PGAM5: variants seen among roughly 807,000 people sequenced by gnomAD.
PGAM5 encodes serine/threonine-protein phosphatase PGAM5, mitochondrial.
In PGAM5, 25 loss-of-function variants were observed where a neutral mutation model predicts 30.6. The observed-to-expected ratio is 0.82, with a 90% CI of 0.60 to 1.14. The LOEUF is 1.14. PGAM5 is among the 50% of genes most tolerant of loss of function. The pLI is 0.00. For missense variants in PGAM5, 384 were observed against 408.5 expected (o/e 0.94, Z 0.52); for synonymous variants, 201 against 179.1 (o/e 1.12, Z -0.98).
Position 132,717,968 on chromosome 12 carries a change from C to T in PGAM5, c.586-19C>T, listed in dbSNP as rs771883194. 2 of 1,612,432 alleles carry T rather than the reference C, an allele frequency of 1.2e-6. No homozygotes were observed. Among genetic ancestry groups the T allele is most frequent in the South Asian group, 1.1e-5 (1 of 91,046 alleles). Reference sequence around the variant, plus strand: ...TGCCCGAGCACTTCCGCACTGACGGCTCCTCACTCTGCCCCCAGCAGTATT... The same window carrying T: ...TGCCCGAGCACTTCCGCACTGACGGTTCCTCACTCTGCCCCCAGCAGTATT... On this transcript the variant is annotated intron_variant, in intron 4 of 5. Coordinates refer to ENST00000498926, the MANE Select transcript of PGAM5 (RefSeq NM_001170543.2).
rs1018225177 is a variant in PGAM5, at chr12:132,720,901, A to G, written c.*73A>G. ...CACTTAACGTTTTGTTCCCAAGGAGACCGGCGGAAAGTAGAAACCTGCAAT... is the reference window on the plus strand; with the variant it reads ...CACTTAACGTTTTGTTCCCAAGGAGGCCGGCGGAAAGTAGAAACCTGCAAT... On this transcript the variant is annotated 3_prime_UTR_variant, in exon 6 of 6. Coordinates refer to ENST00000498926, the MANE Select transcript of PGAM5 (RefSeq NM_001170543.2). 3 of 1,459,112 alleles carry G rather than the reference A, an allele frequency of 2.1e-6. No individual in the cohort carries two copies. The highest frequency in any genetic ancestry group is 2.5e-5 in the East Asian group (1 of 39,432). The allele number at this position is 1,459,112 out of a possible 1,614,324, so 90.4% of individuals were successfully genotyped here. A position where few individuals can be genotyped will look rare whatever the true frequency, so the allele number is the denominator to read the frequency against.
intron 3 of PGAM5, 36 bp downstream of exon 3, chr12:132,717,600 A>G: frequency 1.2e-6 from 2 of 1,606,782 alleles, no homozygotes; most frequent in African/African-American, 1.3e-5. Context: ...TGCTTGCAGC[A>G]GTGGGCGGCT....
intron 2 of PGAM5, among the ~76,000 whole-genome samples, chr12:132,716,028 T>G (rs1565998874): frequency 1.3e-5 from 2 of 152,150 alleles, no homozygotes; most frequent in Non-Finnish European, 2.9e-5. Context: ...CACCTGGACC[T>G]GCTGCCAAAG....
rs189766945 is a variant in PGAM5, at chr12:132,717,335, G to A, written c.371-104G>A. ...GGGGGTGTTTGCGGGCGGAGGAGGG[G>A]GTGTTTGAGGGTGGAGGAGGGCGTG... On this transcript the variant is annotated intron_variant, in intron 2 of 5. Coordinates refer to ENST00000498926, the MANE Select transcript of PGAM5 (RefSeq NM_001170543.2). 5.8e-5 allele frequency: 71 copies of A among 1,232,376 alleles called. No homozygotes were observed. In the East Asian group the frequency reaches 2.0e-3, roughly 35 times the overall value. The allele number at this position is 1,232,376 out of a possible 1,614,324, so 76.3% of individuals were successfully genotyped here. A position where few individuals can be genotyped will look rare whatever the true frequency, so the allele number is the denominator to read the frequency against.
At chr12:132,713,939 G>A (rs1438797524) in intron 1 of PGAM5, among the ~76,000 whole-genome samples, 1 of 152,150 alleles carries the variant, frequency 6.6e-6, no homozygotes, top group African/African-American at 2.4e-5. Flanking sequence ...AAAGTGCTGG[G>A]ATCCACTCTT....
chr12:132,719,219 G>A, intron 5 of PGAM5: 1 of 1,146,542 alleles, frequency 8.7e-7, no homozygotes, highest in Non-Finnish European at 1.1e-6. Context: ...CTCCGCAGCT[G>A]AGGGGGCCCT....
At position 132,717,419 on chromosome 12, in the gene PGAM5, A is replaced by G; in HGVS notation, c.371-20A>G. On this transcript the variant is annotated intron_variant, in intron 2 of 5. Coordinates refer to ENST00000498926, the MANE Select transcript of PGAM5 (RefSeq NM_001170543.2). The stretch of plus-strand genomic sequence containing the variant: ...AGGAGGGGGTGCAGGTGCGGCACTC[A>G]GGTGCCTTTCACCTTCCAGGTCGGG... The G allele has an allele frequency of 6.2e-7, 1 of 1,602,388 alleles. No individual in the cohort carries two copies. Among genetic ancestry groups the G allele is most frequent in the South Asian group, 1.1e-5 (1 of 91,048 alleles).
intron 1 of PGAM5, 200 bp downstream of exon 1, chr12:132,711,267 C>A: frequency 2.9e-6 from 1 of 340,334 alleles, no homozygotes. Flanking sequence ...TTCCCGCCGG[C>A]TTCTGTGGCC....
At chr12:132,715,735 C>T (rs1379892907) in intron 2 of PGAM5, among the ~76,000 whole-genome samples, 4 of 152,080 alleles carry the variant, frequency 2.6e-5, no homozygotes, top group Admixed American at 6.5e-5. Flanking sequence ...AAAAATTAGC[C>T]GGGTGCAGTG....
At chr12:132,711,481 G>A (rs2043522250) in intron 1 of PGAM5, 1 of 153,628 alleles carries the variant, frequency 6.5e-6, no homozygotes, top group Non-Finnish European at 1.4e-5. Flanking sequence ...CTTAGTTTAC[G>A]TCAATTTAAA....
chr12:132,714,063 A>G (rs377731743), intron 1 of PGAM5, among the ~76,000 whole-genome samples: 74 of 151,912 alleles, frequency 4.9e-4, no homozygotes, highest in Non-Finnish European at 7.2e-4. Context: ...TGTCGCCCAG[A>G]CTGGAGTGCA....
chr12:132,718,893 G>A (rs567212997), intron 5 of PGAM5: 2 of 1,602,244 alleles, frequency 1.2e-6, no homozygotes, highest in East Asian at 2.2e-5. Flanking sequence ...TCTGGGTCGA[G>A]GCCACAGCTG....
At position 132,717,455 on chromosome 12, in the gene PGAM5, A is replaced by G. The variant is rs2043591724; in HGVS notation, c.387A>G (p.Glu129=). The G allele has an allele frequency of 3.1e-6, 5 of 1,607,450 alleles. No homozygotes were observed. Among genetic ancestry groups the G allele is most frequent in the Non-Finnish European group, 4.2e-6 (5 of 1,179,732 alleles). ...ACCTTCCAGGTCGGGAGCAGGCTGAACTCACTGGGCTCCGCCTGGCAAGCT... is the reference window on the plus strand; with the variant it reads ...ACCTTCCAGGTCGGGAGCAGGCTGAGCTCACTGGGCTCCGCCTGGCAAGCT... The part of the protein sequence containing the change: ...TLTPLGREQA[E]LTGLRLASLG... The change falls in exon 3 of 6, where the codon GAA becomes GAG. Residue 129 remains glutamate (E), a synonymous_variant. Coordinates refer to ENST00000498926, the MANE Select transcript of PGAM5 (RefSeq NM_001170543.2).
chr12:132,718,218 C>T, intron 5 of PGAM5, 98 bp downstream of exon 5: 4 of 1,494,860 alleles, frequency 2.7e-6, no homozygotes, highest in Non-Finnish European at 3.6e-6. Context: ...ACTGCCGATG[C>T]CACCCTAGTC....
chr12:132,721,919 C>T lies in PGAM5; in HGVS notation c.*1091C>T, dbSNP rs2043649075. The T allele has an allele frequency of 1.3e-5, 2 of 151,930 alleles. No homozygotes were observed. The highest frequency in any genetic ancestry group is 1.3e-4 in the Admixed American group (2 of 15,256). 9.4% of individuals were successfully genotyped at this position (151,930 alleles called of 1,614,324 possible). On this transcript the variant is annotated 3_prime_UTR_variant, in exon 6 of 6. Transcript: ENST00000498926. ...TGCCTGGCCTAAAAAATTTTTTTTT[C>T]TTCATCTGGGTTTTTGCTTTGAAAA...
rs1318265701 is a variant in PGAM5, at chr12:132,718,213, C to T, written c.719+93C>T. 1.1e-5 allele frequency: 16 copies of T among 1,515,392 alleles called. No individual in the cohort carries two copies. In the Admixed American group the frequency reaches 1.7e-4, roughly 16 times the overall value. The allele number at this position is 1,515,392 out of a possible 1,614,324, so 93.9% of individuals were successfully genotyped here. On this transcript the variant is annotated intron_variant, in intron 5 of 5. Transcript: ENST00000498926. ...GCCGAGCGAGACCCTCCTCCACTGC[C>T]GATGCCACCCTAGTCAGGCCTCACC...
intron 1 of PGAM5, 150 bp from the exon 2 acceptor site, chr12:132,714,708 C>A: frequency 1.3e-6 from 1 of 793,730 alleles, no homozygotes; most frequent in Non-Finnish European, 2.0e-6. Flanking sequence ...GCGGTATGCT[C>A]AGAGAGGCCT....
At chr12:132,719,683 G>A (rs972378766) in intron 5 of PGAM5, among the ~76,000 whole-genome samples, 1 of 152,248 alleles carries the variant, frequency 6.6e-6, no homozygotes, top group African/African-American at 2.4e-5. Flanking sequence ...AGTGGTGAGG[G>A]CCAGGCACGT....
Position 132,717,771 on chromosome 12 carries a change from C to G in PGAM5, c.558C>G (p.Pro186=). 1 of 1,588,192 alleles carries G rather than the reference C, an allele frequency of 6.3e-7. No individual in the cohort carries two copies. The highest frequency in any genetic ancestry group is 8.6e-7 in the Non-Finnish European group (1 of 1,167,498). ...REGAPIEPDP[P]VSHWKPEAVQ... ...GCGCCCCCATCGAGCCAGACCCGCC[C>G]GTGTCTCATTGGAAGCCGGAAGCTG... The change falls in exon 4 of 6, where the codon CCC becomes CCG. Residue 186 remains proline (P), a synonymous_variant. Coordinates refer to ENST00000498926, the MANE Select transcript of PGAM5 (RefSeq NM_001170543.2).
Sources: allele counts gnomAD v4.1 joint callset (sites outside exome capture counted in the v4.1 genomes callset), GRCh38; gene constraint gnomAD v4.1.1; transcripts MANE v1.5; gene names NCBI Gene and HGNC (gene_info 2026-07-23, HGNC 2026-07-21).